Variants in ZNF804B observed in about 807,000 individuals in gnomAD.
The protein encoded by ZNF804B is zinc finger 804B.
Under a neutral mutation model 101.4 loss-of-function variants are expected in ZNF804B, and 80 were observed. The ratio of observed to expected loss-of-function variants is 0.79; its 90% CI spans 0.66 to 0.95. The LOEUF (loss-of-function observed/expected upper bound fraction) is 0.95. Ranked by LOEUF, ZNF804B falls within the 40% of genes least tolerant of loss-of-function variation. ZNF804B has a pLI of 0.00. For missense variants in ZNF804B, 1,673 were observed against 1,561.9 expected, an observed-to-expected ratio of 1.07 and a Z score of -1.20; for synonymous variants, 622 against 558.8, an observed-to-expected ratio of 1.11 and a Z score of -1.59.
At chr7:88,948,336 T>C (rs1283227962) in intron 1 of ZNF804B, among the ~76,000 whole-genome samples, 2 of 123,812 alleles carry the variant, frequency 1.6e-5, no homozygotes, top group African/African-American at 6.2e-5. Flanking sequence ...TTTTTTGAGA[T>C]GAGGGTCTCT....
intron 1 of ZNF804B, among the ~76,000 whole-genome samples, chr7:89,002,438 T>C (rs895019974): frequency 1.3e-5 from 2 of 151,914 alleles, no homozygotes; most frequent in African/African-American, 4.8e-5. Flanking sequence ...GAATATTGAC[T>C]ATGTTTAGGT....
intron 1 of ZNF804B, among the ~76,000 whole-genome samples, chr7:88,780,863 G>A (rs1170574517): frequency 1.3e-5 from 2 of 152,074 alleles, no homozygotes; most frequent in Non-Finnish European, 2.9e-5. Flanking sequence ...TTCACAGGAA[G>A]AAATAAAAAT....
intron 1 of ZNF804B, among the ~76,000 whole-genome samples, chr7:88,993,518 G>A (rs1023116573): frequency 6.6e-6 from 1 of 151,794 alleles, no homozygotes; most frequent in Non-Finnish European, 1.5e-5. Context: ...ACAGAAAAAA[G>A]GTCAATGACC....
intron 1 of ZNF804B, among the ~76,000 whole-genome samples, chr7:88,828,363 T>C (rs1791078609): frequency 6.6e-6 from 1 of 152,050 alleles, no homozygotes; most frequent in African/African-American, 2.4e-5. Flanking sequence ...GCCTTTCTGG[T>C]TTCTATGATT....
intron 1 of ZNF804B, among the ~76,000 whole-genome samples, chr7:88,873,463 C>T (rs1791872564): frequency 6.6e-6 from 1 of 152,146 alleles, no homozygotes; most frequent in Non-Finnish European, 1.5e-5. Flanking sequence ...TGCAGAAGCT[C>T]TTTAGTTTAA....
intron 1 of ZNF804B, among the ~76,000 whole-genome samples, chr7:88,878,321 C>T (rs547884206): frequency 1.3e-5 from 2 of 152,120 alleles, no homozygotes; most frequent in Admixed American, 6.6e-5. Flanking sequence ...TGCCCTATTT[C>T]CCTTTAGAAT....
chr7:88,878,282 C>T (rs773468252), intron 1 of ZNF804B, among the ~76,000 whole-genome samples: 50 of 152,274 alleles, frequency 3.3e-4, no homozygotes, highest in Admixed American at 5.9e-4. Flanking sequence ...ACTCTGGTCT[C>T]ACTTTCTCCA....
At chr7:88,995,671 G>A (rs1249548001) in intron 1 of ZNF804B, among the ~76,000 whole-genome samples, 3 of 151,954 alleles carry the variant, frequency 2.0e-5, no homozygotes, top group African/African-American at 4.8e-5. Context: ...GATGTGCTTC[G>A]TGACCTCCTT....
At position 89,223,683 on chromosome 7, in the gene ZNF804B, CA is replaced by C. The variant is rs888777931; in HGVS notation, c.249+5398del. On this transcript the variant is annotated intron_variant, in intron 2 of 3. Transcript: ENST00000333190. ...TGGGCAACACAGTGAGACCTGTCTCCAAAAAAAAAATTAAGATATTTTCTTA... is the reference window on the plus strand; with the variant it reads ...TGGGCAACACAGTGAGACCTGTCTCCAAAAAAAAATTAAGATATTTTCTTA... Among the ~76,000 whole-genome samples, 316 of 144,898 alleles carry C rather than the reference CA, an allele frequency of 2.2e-3. 2 individuals carry two copies. The highest frequency in any genetic ancestry group is 7.5e-3 in the African/African-American group (296 of 39,630).
chr7:88,933,660 A>T (rs1360050731), intron 1 of ZNF804B, among the ~76,000 whole-genome samples: 1 of 152,034 alleles, frequency 6.6e-6, no homozygotes, highest in Non-Finnish European at 1.5e-5. Flanking sequence ...CTGAGTATCA[A>T]ATCATGAACT....
chr7:88,911,278 T>C (rs191814913), intron 1 of ZNF804B, among the ~76,000 whole-genome samples: 1 of 151,830 alleles, frequency 6.6e-6, no homozygotes, highest in African/African-American at 2.4e-5. Context: ...TGATGCTTTT[T>C]TTAATGACAT....
chr7:89,227,493 A>G (rs1789112267), intron 2 of ZNF804B, among the ~76,000 whole-genome samples: 1 of 152,220 alleles, frequency 6.6e-6, no homozygotes, highest in South Asian at 2.1e-4. Flanking sequence ...AGAGTGTATA[A>G]AAAAGAAAGT....
intron 1 of ZNF804B, among the ~76,000 whole-genome samples, chr7:88,972,086 A>T (rs1335465370): frequency 1.3e-5 from 2 of 151,694 alleles, no homozygotes; most frequent in East Asian, 2.0e-4. Flanking sequence ...ATTTAGTTGT[A>T]AAGTCTTTAT....
At chr7:88,951,419 C>T (rs1435364909) in intron 1 of ZNF804B, among the ~76,000 whole-genome samples, 1 of 151,704 alleles carries the variant, frequency 6.6e-6, no homozygotes, top group African/African-American at 2.4e-5. Flanking sequence ...TACATTTCTT[C>T]TTCAAAGGAA....
At chr7:89,004,637 G>T (rs1057460091) in intron 1 of ZNF804B, among the ~76,000 whole-genome samples, 2 of 151,682 alleles carry the variant, frequency 1.3e-5, no homozygotes, top group Non-Finnish European at 2.9e-5. Context: ...TTATGCAGTG[G>T]TGAATATTTT....
intron 1 of ZNF804B, among the ~76,000 whole-genome samples, chr7:88,847,726 A>G (rs1393266467): frequency 1.3e-5 from 2 of 152,144 alleles, no homozygotes; most frequent in African/African-American, 4.8e-5. Context: ...TGCAAAATCT[A>G]AATGCACTTA....
intron 1 of ZNF804B, among the ~76,000 whole-genome samples, chr7:89,109,274 G>A (rs910195041): frequency 3.9e-5 from 6 of 152,130 alleles, no homozygotes; most frequent in African/African-American, 1.4e-4. Context: ...AGCACATTGA[G>A]ATAATAATGA....
intron 1 of ZNF804B, among the ~76,000 whole-genome samples, chr7:89,107,114 T>C (rs1790147266): frequency 6.6e-6 from 1 of 152,120 alleles, no homozygotes; most frequent in African/African-American, 2.4e-5. Flanking sequence ...CAATTGGAAA[T>C]TGCCCTGGTA....
At chr7:89,303,594 A>T (rs907812205) in intron 2 of ZNF804B, among the ~76,000 whole-genome samples, 1 of 151,942 alleles carries the variant, frequency 6.6e-6, no homozygotes, top group Non-Finnish European at 1.5e-5. Flanking sequence ...AAACATCAGG[A>T]TGTAGATGCA....
Sources: allele counts gnomAD v4.1 joint callset (sites outside exome capture counted in the v4.1 genomes callset), GRCh38; gene constraint gnomAD v4.1.1; transcripts MANE v1.5; gene names NCBI Gene and HGNC (gene_info 2026-07-23, HGNC 2026-07-21).